Variants in ANO3 observed in about 807,000 individuals in gnomAD.
ANO3 encodes the protein anoctamin 3.
In ANO3, 99 loss-of-function variants were observed where a neutral mutation model predicts 144.8. The ratio of observed to expected loss-of-function variants is 0.68; its 90% CI spans 0.58 to 0.81. The LOEUF (loss-of-function observed/expected upper bound fraction) is 0.81, where lower values mean the gene tolerates loss of function less well. Ranked by LOEUF, ANO3 falls within the 30% of genes least tolerant of loss-of-function variation. ANO3 has a pLI of 0.00. For missense variants in ANO3, 905 were observed against 1,202.2 expected (o/e 0.75, Z 3.66); for synonymous variants, 414 against 392.6 (o/e 1.05, Z -0.64).
At chr11:26,473,944 A>C (rs1055019393) in intron 4 of ANO3, 1 of 985,096 alleles carries the variant, frequency 1.0e-6, no homozygotes, top group South Asian at 4.7e-5. Flanking sequence ...TAGGCTAAAA[A>C]CCCTCCAGTC....
At position 26,378,448 on chromosome 11, in the gene ANO3, A is replaced by C. The variant is rs1856479764; in HGVS notation, c.46+46127A>C. Among the ~76,000 whole-genome samples, 8 of 149,814 alleles carry C rather than the reference A, an allele frequency of 5.3e-5. No homozygotes were observed. The South Asian group carries it at 1.7e-3, about 31-fold the overall frequency. ...CTATCTATCTATCATCTATCTATCT[A>C]TCTATATAGACTAGTTACCACTAAA... On this transcript the variant is annotated intron_variant, in intron 1 of 26. Coordinates refer to ENST00000256737, the MANE Select transcript of ANO3 (RefSeq NM_031418.4).
chr11:26,254,764 T>C (rs750123757), intron 1 of ANO3, among the ~76,000 whole-genome samples: 5 of 152,162 alleles, frequency 3.3e-5, no homozygotes, highest in Non-Finnish European at 7.4e-5. Flanking sequence ...AGTTTCTATA[T>C]TCAACTGAGT....
At chr11:26,228,995 A>G (rs919602128) in intron 1 of ANO3, among the ~76,000 whole-genome samples, 1 of 152,240 alleles carries the variant, frequency 6.6e-6, no homozygotes, top group African/African-American at 2.4e-5. Context: ...TCCTGTGGCT[A>G]AAACTGCCAT....
intron 1 of ANO3, among the ~76,000 whole-genome samples, chr11:26,256,493 G>A (rs1260099743): frequency 6.6e-6 from 1 of 152,038 alleles, no homozygotes; most frequent in East Asian, 1.9e-4. Context: ...ATTTATAGAT[G>A]CAGTCTTTAA....
At chr11:26,476,891 GTGTGTGTGTGTA>G (rs1186397077) in intron 4 of ANO3, among the ~76,000 whole-genome samples, 2 of 133,646 alleles carry the variant, frequency 1.5e-5, no homozygotes, top group Admixed American at 8.3e-5. Context: ...TTATAATTTT[GTGTGTGTGTGTA>G]TGTGTGTGTG....
In ANO3 at chr11:26,620,077, T is replaced by A. The variant is rs192969664; in HGVS notation, c.1837-4385T>A. On this transcript the variant is annotated intron_variant, in intron 17 of 26. Coordinates refer to ENST00000256737, the MANE Select transcript of ANO3 (RefSeq NM_031418.4). ...CAAAGACAGAATTTGAAACCGAGAA[T>A]TGCTCTTTCCTAGGCCTACCATTTT... Among the ~76,000 whole-genome samples the A allele has an allele frequency of 1.1e-4, 16 of 152,290 alleles. No homozygotes were observed. In the South Asian group the frequency reaches 2.9e-3, roughly 28 times the overall value.
At chr11:26,411,086 C>T (rs1210957685) in intron 1 of ANO3, among the ~76,000 whole-genome samples, 1 of 151,964 alleles carries the variant, frequency 6.6e-6, no homozygotes, top group Non-Finnish European at 1.5e-5. Flanking sequence ...AAGAAGCATC[C>T]ATTTGTAACA....
chr11:26,600,850 A>C (rs796962288), intron 17 of ANO3, among the ~76,000 whole-genome samples: 5 of 152,056 alleles, frequency 3.3e-5, no homozygotes, highest in African/African-American at 1.2e-4. Flanking sequence ...TAAATCATCC[A>C]GTATTTTTAT....
At chr11:26,616,899 A>C (rs1852277652) in intron 17 of ANO3, among the ~76,000 whole-genome samples, 1 of 152,076 alleles carries the variant, frequency 6.6e-6, no homozygotes, top group South Asian at 2.1e-4. Flanking sequence ...CAGCCTCCTG[A>C]GTAGCTGGGA....
chr11:26,486,258 G>A (rs369938670), intron 4 of ANO3, among the ~76,000 whole-genome samples: 2 of 150,970 alleles, frequency 1.3e-5, no homozygotes, highest in African/African-American at 4.9e-5. Flanking sequence ...CTACTCGGGA[G>A]GCTGAGGCAG....
intron 12 of ANO3, among the ~76,000 whole-genome samples, chr11:26,550,123 A>T (rs530810231): frequency 6.6e-6 from 1 of 151,986 alleles, no homozygotes; most frequent in East Asian, 1.9e-4. Context: ...CTAAGTTTCA[A>T]GCCTATTTCT....
chr11:26,347,880 CATGT>C (rs922226974), intron 1 of ANO3, among the ~76,000 whole-genome samples: 1 of 152,188 alleles, frequency 6.6e-6, no homozygotes, highest in African/African-American at 2.4e-5. Flanking sequence ...TGTACAACAT[CATGT>C]GTTTTACAGA....
intron 1 of ANO3, among the ~76,000 whole-genome samples, chr11:26,333,431 G>A (rs1406056242): frequency 1.3e-5 from 2 of 151,922 alleles, no homozygotes; most frequent in East Asian, 2.0e-4. Flanking sequence ...ACAGGCGCCC[G>A]CCACCAAGCC....
intron 1 of ANO3, among the ~76,000 whole-genome samples, chr11:26,380,140 A>G (rs1856550482): frequency 6.6e-6 from 1 of 152,060 alleles, no homozygotes; most frequent in South Asian, 2.1e-4. Context: ...CTTATCTGCC[A>G]TTTTAGGATT....
chr11:26,410,164 T>C lies in ANO3; in HGVS notation c.47-31754T>C, dbSNP rs78552799. Among the ~76,000 whole-genome samples, 179 of 152,064 alleles carry C rather than the reference T, an allele frequency of 1.2e-3. 2 individuals carry two copies. The highest frequency in any genetic ancestry group is 4.1e-3 in the African/African-American group (172 of 41,534). ...ATTCAGTGTCTATACAGTATATATATCGAGTGCCTACTAGGTTCCAAGTAT... is the reference window on the plus strand; with the variant it reads ...ATTCAGTGTCTATACAGTATATATACCGAGTGCCTACTAGGTTCCAAGTAT... On this transcript the variant is annotated intron_variant, in intron 1 of 26. Transcript: ENST00000256737.
At chr11:26,555,544 ATG>A (rs1472473208) in intron 13 of ANO3, among the ~76,000 whole-genome samples, 3 of 152,180 alleles carry the variant, frequency 2.0e-5, no homozygotes, top group Non-Finnish European at 4.4e-5. Context: ...AAGGACAGGG[ATG>A]ACTCACAAAG....
chr11:26,565,745 A>C (rs1850550986), intron 14 of ANO3: 1 of 1,605,948 alleles, frequency 6.2e-7, no homozygotes. Context: ...TTGTTTTAAA[A>C]ACTTCTGCAA....
chr11:26,658,868 C>T (rs948606152), intron 26 of ANO3, among the ~76,000 whole-genome samples: 1 of 152,034 alleles, frequency 6.6e-6, no homozygotes, highest in African/African-American at 2.4e-5. Flanking sequence ...AGTTAAAGTA[C>T]CTTGAATTCT....
chr11:26,200,574 T>A (rs1020695789), intron 1 of ANO3, among the ~76,000 whole-genome samples: 8 of 152,196 alleles, frequency 5.3e-5, no homozygotes, highest in African/African-American at 1.4e-4. Flanking sequence ...TTATGCCCTA[T>A]GTGTACTATT....
Sources: allele counts gnomAD v4.1 joint callset (sites outside exome capture counted in the v4.1 genomes callset), GRCh38; gene constraint gnomAD v4.1.1; transcripts MANE v1.5; gene names NCBI Gene and HGNC (gene_info 2026-07-23, HGNC 2026-07-21).